Variants in SCRG1 observed in about 807,000 individuals in gnomAD.
The protein encoded by SCRG1 is scrapie-responsive protein 1.
A neutral mutation model predicts 7.7 loss-of-function variants in SCRG1; 3 were observed. The observed-to-expected ratio is 0.39, with a 90% CI of 0.18 to 1.01. SCRG1 has a LOEUF of 1.01. SCRG1 is among the 50% of genes least tolerant of loss of function. The pLI is 0.36. For missense variants in SCRG1, 110 were observed against 117.2 expected (o/e 0.94, Z 0.28); for synonymous variants, 46 against 41.2 (o/e 1.12, Z -0.44).
the SCRG1 span, among the ~76,000 whole-genome samples, chr4:173,420,885 C>G: frequency 3.4e-4 from 52 of 152,170 alleles, no homozygotes; most frequent in African/African-American, 1.2e-3. Flanking sequence ...TTAATAATAC[C>G]TCCTCCCCAA....
the SCRG1 span, among the ~76,000 whole-genome samples, chr4:173,450,235 A>G: frequency 1.3e-5 from 2 of 152,210 alleles, no homozygotes; most frequent in Non-Finnish European, 2.9e-5. Flanking sequence ...CACTATCATG[A>G]GTAAACCATG....
chr4:173,393,400 A>G (rs887211680), intron 1 of SCRG1, among the ~76,000 whole-genome samples: 1 of 152,164 alleles, frequency 6.6e-6, no homozygotes, highest in African/African-American at 2.4e-5. Context: ...AAAGACTAAA[A>G]TGAGATCTAC....
At chr4:173,506,070 A>G in the SCRG1 span, among the ~76,000 whole-genome samples, 10,454 of 152,204 alleles carry the variant, frequency 0.069, 469 homozygotes, top group Non-Finnish European at 0.094. This position sits in a 1 kb window ranked among gnomAD's most constrained non-coding sequence, Gnocchi z 5.3. Context: ...GTGTGAGTAG[A>G]CACTGAAGCC....
At chr4:173,513,128 A>G in the SCRG1 span, among the ~76,000 whole-genome samples, 1 of 152,176 alleles carries the variant, frequency 6.6e-6, no homozygotes, top group Non-Finnish European at 1.5e-5. Context: ...AGACCTTTTC[A>G]TTTTGAGTTG....
At chr4:173,504,126 C>G in the SCRG1 span, among the ~76,000 whole-genome samples, 1 of 152,186 alleles carries the variant, frequency 6.6e-6, no homozygotes, top group Non-Finnish European at 1.5e-5. The surrounding 1 kb of genome is among the most constrained non-coding windows in gnomAD (Gnocchi z 4.7). Context: ...GGTGCAGTCC[C>G]CCGCTCTCAG....
the SCRG1 span, among the ~76,000 whole-genome samples, chr4:173,448,423 T>C: frequency 6.6e-6 from 1 of 152,212 alleles, no homozygotes; most frequent in Admixed American, 6.5e-5. Context: ...GGCTTACCCA[T>C]CCGCTCTTGT....
At chr4:173,400,913 G>A (rs1191730202), upstream of SCRG1, among the ~76,000 whole-genome samples, 1 of 152,188 alleles carries the variant, frequency 6.6e-6, no homozygotes, top group Non-Finnish European at 1.5e-5. Context: ...TTCAAGGAAT[G>A]GGCAGAGAAC....
At chr4:173,388,740 A>G (rs1384247941) in intron 2 of SCRG1, among the ~76,000 whole-genome samples, 2 of 152,226 alleles carry the variant, frequency 1.3e-5, no homozygotes, top group Non-Finnish European at 2.9e-5. Flanking sequence ...TAGGAAACAG[A>G]AGATTCAACA....
chr4:173,499,009 C>T, the SCRG1 span, among the ~76,000 whole-genome samples: 1 of 152,182 alleles, frequency 6.6e-6, no homozygotes, highest in South Asian at 2.1e-4. This position sits in a 1 kb window ranked among gnomAD's most constrained non-coding sequence, Gnocchi z 4.1. Flanking sequence ...CCACCAGCAT[C>T]AGGATTGCCT....
the SCRG1 span, among the ~76,000 whole-genome samples, chr4:173,432,030 G>A: frequency 8.5e-5 from 13 of 152,242 alleles, no homozygotes; most frequent in African/African-American, 2.9e-4. Flanking sequence ...TTGTCTTCAC[G>A]GACAAAATCC....
chr4:173,485,089 T>TATATATTATATA, the SCRG1 span, among the ~76,000 whole-genome samples: 1 of 4,730 alleles, frequency 2.1e-4, no homozygotes, highest in African/African-American at 6.2e-4. Context: ...TATAATATAT[T>TATATATTATATA]ATATATTATA....
the SCRG1 span, among the ~76,000 whole-genome samples, chr4:173,482,600 T>G: frequency 6.6e-6 from 1 of 151,912 alleles, no homozygotes; most frequent in Non-Finnish European, 1.5e-5. Context: ...GGAGGACCAC[T>G]TGAGGTGAGA....
intron 1 of SCRG1, among the ~76,000 whole-genome samples, chr4:173,392,761 A>G (rs938148073): frequency 1.3e-5 from 2 of 152,198 alleles, no homozygotes; most frequent in Non-Finnish European, 2.9e-5. Context: ...GAAAGAGGGA[A>G]AACAGATGGA....
chr4:173,496,747 T>C, the SCRG1 span, among the ~76,000 whole-genome samples: 1 of 152,174 alleles, frequency 6.6e-6, no homozygotes, highest in South Asian at 2.1e-4. Context: ...AGTATTCTGA[T>C]TAAGTATTGC....
chr4:173,485,011 TA>T, the SCRG1 span, among the ~76,000 whole-genome samples: 6 of 10,998 alleles, frequency 5.5e-4, no homozygotes, highest in African/African-American at 1.4e-3. Context: ...ATAAATATAA[TA>T]TATAATATAT....
chr4:173,419,259 C>G, the SCRG1 span: 478 of 548,132 alleles, frequency 8.7e-4, 1 homozygote, highest in African/African-American at 8.3e-3. Context: ...CTCTCGGCAG[C>G]CCGCTCCTGA....
At chr4:173,391,691 G>A (rs978021803) in intron 1 of SCRG1, among the ~76,000 whole-genome samples, 1 of 152,188 alleles carries the variant, frequency 6.6e-6, no homozygotes, top group Non-Finnish European at 1.5e-5. Flanking sequence ...AGCATGGGAG[G>A]CCTATGTACA....
chr4:173,500,969 G>C, the SCRG1 span, among the ~76,000 whole-genome samples: 1 of 152,252 alleles, frequency 6.6e-6, no homozygotes, highest in Non-Finnish European at 1.5e-5. Context: ...TCCTTCCGGG[G>C]AGCAGAAGGC....
chr4:173,491,217 C>CTCT, the SCRG1 span, among the ~76,000 whole-genome samples: 2 of 133,058 alleles, frequency 1.5e-5, no homozygotes, highest in Non-Finnish European at 3.1e-5. Context: ...CTCTCTCTCT[C>CTCT]TTTTTTTTTT....
Sources: allele counts gnomAD v4.1 joint callset (sites outside exome capture counted in the v4.1 genomes callset), GRCh38; gene constraint gnomAD v4.1.1; non-coding constraint Gnocchi (gnomAD v3.1); transcripts MANE v1.5; gene names NCBI Gene and HGNC (gene_info 2026-07-23, HGNC 2026-07-21).